The following TRIQK variants were observed in gnomAD, a reference collection of about 807,000 sequenced individuals.
TRIQK encodes triple QxxK/R motif-containing protein.
In TRIQK, 10 loss-of-function variants were observed where a neutral mutation model predicts 10.8. That is an observed-to-expected ratio of 0.92 (90% CI 0.57 to 1.57). TRIQK has a LOEUF of 1.57. Ranked by LOEUF, TRIQK falls within the 40% of genes most tolerant of loss-of-function variation. TRIQK has a pLI of 0.00. For synonymous variants in TRIQK, 33 were observed against 33.7 expected, an observed-to-expected ratio of 0.98 and a Z score of 0.07; for missense variants, 107 against 97.7, an observed-to-expected ratio of 1.09 and a Z score of -0.40.
chr8:92,906,006 A>C (rs1315278889), intron 3 of TRIQK, among the ~76,000 whole-genome samples: 1 of 152,202 alleles, frequency 6.6e-6, no homozygotes, highest in Non-Finnish European at 1.5e-5. Context: ...AGCATTAAAA[A>C]CATTTGTACA....
intron 4 of TRIQK, among the ~76,000 whole-genome samples, chr8:92,888,839 ATAAACCTTTTAAATAAAAAAGCAAC>A (rs949363433): frequency 6.6e-6 from 1 of 151,730 alleles, no homozygotes; most frequent in Non-Finnish European, 1.5e-5. Flanking sequence ...TGCTTTTCAT[ATAAACCTTTTAAATAAAAAAGCAAC>A]TCATTAACAA....
rs569543960 is a variant in TRIQK, at chr8:92,988,113, C to T, written c.-181+29496G>A. Among the ~76,000 whole-genome samples the T allele has an allele frequency of 1.2e-4, 18 of 149,834 alleles. No individual in the cohort carries two copies. In the East Asian group the frequency reaches 3.2e-3, roughly 26 times the overall value. ...GCAAGCTCCGCCTCCCGGGTTCACACCATTCTCCTGCCTCAGCCTCCTGAG... is the reference window on the plus strand; with the variant it reads ...GCAAGCTCCGCCTCCCGGGTTCACATCATTCTCCTGCCTCAGCCTCCTGAG... On this transcript the variant is annotated intron_variant, in intron 1 of 4. Transcript: ENST00000520686.
chr8:92,962,372 G>A (rs530264039), intron 1 of TRIQK, among the ~76,000 whole-genome samples: 5 of 152,092 alleles, frequency 3.3e-5, no homozygotes, highest in Non-Finnish European at 5.9e-5. Context: ...GCTGAGTTTC[G>A]CGTTTCTACA....
intron 1 of TRIQK, among the ~76,000 whole-genome samples, chr8:92,962,696 G>A (rs536038082): frequency 2.6e-5 from 4 of 152,212 alleles, no homozygotes; most frequent in East Asian, 1.9e-4. Flanking sequence ...AAAAAGAGAC[G>A]TATCTGACCG....
intron 1 of TRIQK, among the ~76,000 whole-genome samples, chr8:92,981,644 G>T (rs1295885966): frequency 6.6e-6 from 1 of 151,736 alleles, no homozygotes; most frequent in Non-Finnish European, 1.5e-5. Context: ...CTTTAAGGCT[G>T]TTTACTGTAA....
chr8:92,986,660 C>G (rs986380723), intron 1 of TRIQK, among the ~76,000 whole-genome samples: 51 of 152,000 alleles, frequency 3.4e-4, no homozygotes, highest in Non-Finnish European at 1.5e-4. Flanking sequence ...TTCTCGGGGC[C>G]AAATCTCCCA....
At chr8:92,987,042 C>T (rs1338519204) in intron 1 of TRIQK, among the ~76,000 whole-genome samples, 1 of 152,126 alleles carries the variant, frequency 6.6e-6, no homozygotes, top group African/African-American at 2.4e-5. Context: ...AGTTTTATTT[C>T]TCATTTTAAT....
intron 1 of TRIQK, among the ~76,000 whole-genome samples, chr8:92,981,281 T>C (rs1812983843): frequency 6.6e-6 from 1 of 151,880 alleles, no homozygotes; most frequent in South Asian, 2.1e-4. Flanking sequence ...TATTAGTACA[T>C]GGTCATTTGT....
At chr8:92,902,311 T>TG (rs1197867116) in intron 3 of TRIQK, among the ~76,000 whole-genome samples, 1 of 152,124 alleles carries the variant, frequency 6.6e-6, no homozygotes, top group African/African-American at 2.4e-5. Flanking sequence ...GCTCCCTCTG[T>TG]GGGCACCAGC....
At chr8:92,994,215 T>C (rs1813127565) in intron 1 of TRIQK, among the ~76,000 whole-genome samples, 1 of 152,194 alleles carries the variant, frequency 6.6e-6, no homozygotes, top group Non-Finnish European at 1.5e-5. Context: ...TTTCATAAAT[T>C]ATGCCTTTTA....
chr8:92,940,068 G>A (rs1157680377), intron 2 of TRIQK, among the ~76,000 whole-genome samples: 1 of 152,210 alleles, frequency 6.6e-6, no homozygotes, highest in Non-Finnish European at 1.5e-5. Flanking sequence ...GCAGAACCCA[G>A]AGAGTAGCAT....
chr8:92,905,850 C>T (rs1157374451), intron 3 of TRIQK, among the ~76,000 whole-genome samples: 2 of 152,102 alleles, frequency 1.3e-5, no homozygotes, highest in Non-Finnish European at 2.9e-5. Context: ...CAGCAAGTAG[C>T]ATCTGCTAAG....
intron 2 of TRIQK, among the ~76,000 whole-genome samples, chr8:92,943,871 A>G (rs1237783591): frequency 6.6e-6 from 1 of 152,150 alleles, no homozygotes; most frequent in African/African-American, 2.4e-5. Context: ...TTAGAAGAGG[A>G]AAAAGCAGAG....
intron 1 of TRIQK, among the ~76,000 whole-genome samples, chr8:93,016,278 T>C (rs1022631427): frequency 1.3e-5 from 2 of 152,176 alleles, no homozygotes; most frequent in Non-Finnish European, 2.9e-5. Flanking sequence ...ACTTGGTAAT[T>C]CAAAAAAGAC....
In TRIQK at chr8:92,884,495, G is replaced by T; in HGVS notation, c.*2127C>A. Reference sequence around the variant, plus strand: ...ACGAATGGACTAGCTGTAGACTCAGGATATCAATAAAACTAGGCAGTGAAA... The same window carrying T: ...ACGAATGGACTAGCTGTAGACTCAGTATATCAATAAAACTAGGCAGTGAAA... On this transcript the variant is annotated 3_prime_UTR_variant, in exon 5 of 5. Transcript: ENST00000521988. 1 of 270,724 alleles carries T rather than the reference G, an allele frequency of 3.7e-6. No homozygotes were observed. The highest frequency in any genetic ancestry group is 3.9e-5 in the South Asian group (1 of 25,500). The allele number at this position is 270,724 out of a possible 1,614,324, so 16.8% of individuals were successfully genotyped here.
At chr8:92,988,777 C>A (rs1224131578) in intron 1 of TRIQK, among the ~76,000 whole-genome samples, 1 of 152,220 alleles carries the variant, frequency 6.6e-6, no homozygotes, top group East Asian at 1.9e-4. Context: ...TTTTGTTGAA[C>A]ATAAGTTTCT....
intron 2 of TRIQK, among the ~76,000 whole-genome samples, chr8:92,918,747 A>G (rs1810001077): frequency 6.6e-6 from 1 of 150,406 alleles, no homozygotes; most frequent in South Asian, 2.1e-4. Flanking sequence ...TCTATTTTTG[A>G]TTTTGTTGCC....
At chr8:93,008,366 G>T (rs558318933) in intron 1 of TRIQK, among the ~76,000 whole-genome samples, 11 of 152,024 alleles carry the variant, frequency 7.2e-5, no homozygotes, top group African/African-American at 2.7e-4. Flanking sequence ...AGTAGTCTTC[G>T]ATGGGAAGAA....
At chr8:92,887,507 T>C (rs1816548196) in intron 4 of TRIQK, among the ~76,000 whole-genome samples, 1 of 151,484 alleles carries the variant, frequency 6.6e-6, no homozygotes. Flanking sequence ...TATATGTATA[T>C]ATCTCTGTGT....
Sources: gnomAD v4.1 joint callset for allele counts (sites outside exome capture counted in the v4.1 genomes callset) on GRCh38, gnomAD v4.1.1 for gene constraint, MANE v1.5 for transcripts, NCBI Gene and HGNC (gene_info 2026-07-23, HGNC 2026-07-21) for gene names.